The following NDUFAF2 variants were observed in gnomAD, a reference collection of about 807,000 sequenced individuals.
NDUFAF2 encodes the protein NADH dehydrogenase [ubiquinone] 1 alpha subcomplex assembly factor 2.
In NDUFAF2, 13 loss-of-function variants were observed where a neutral mutation model predicts 22.8. That is an observed-to-expected ratio of 0.57 (90% confidence interval 0.37 to 0.91). The LOEUF is 0.91. Ranked by LOEUF, NDUFAF2 falls within the 40% of genes least tolerant of loss-of-function variation. The pLI, the probability that NDUFAF2 is intolerant of heterozygous loss-of-function variation, is 0.01. For synonymous variants in NDUFAF2, 53 were observed against 64.2 expected (o/e 0.83, Z 0.84); for missense variants, 162 against 195.2 (o/e 0.83, Z 1.01).
At chr5:61,048,595 G>A (rs573375057) in intron 1 of NDUFAF2, among the ~76,000 whole-genome samples, 1 of 152,260 alleles carries the variant, frequency 6.6e-6, no homozygotes, top group African/African-American at 2.4e-5. Flanking sequence ...GTTGTCAGAA[G>A]CTATCTCCCA....
chr5:61,009,728 G>A (rs1017337957), intron 1 of NDUFAF2, among the ~76,000 whole-genome samples: 1 of 151,950 alleles, frequency 6.6e-6, no homozygotes, highest in African/African-American at 2.4e-5. Context: ...TGGCTCCAGT[G>A]CTGATTGCCC....
chr5:61,105,416 G>A (rs191160168), intron 3 of NDUFAF2, among the ~76,000 whole-genome samples: 7 of 151,240 alleles, frequency 4.6e-5, no homozygotes, highest in Admixed American at 3.9e-4. Flanking sequence ...TGCAAAGAGT[G>A]TATGTATGTA....
intron 1 of NDUFAF2, among the ~76,000 whole-genome samples, chr5:60,985,343 C>A (rs868053876): frequency 9.2e-5 from 14 of 152,022 alleles, no homozygotes; most frequent in South Asian, 6.2e-4. Flanking sequence ...TTCAGAAAAC[C>A]AACTCCTGGA....
At chr5:61,056,747 G>T (rs911683389) in intron 1 of NDUFAF2, among the ~76,000 whole-genome samples, 2 of 150,928 alleles carry the variant, frequency 1.3e-5, no homozygotes, top group African/African-American at 4.9e-5. Flanking sequence ...CATTAGCTGG[G>T]CATGGTGGCG....
At position 61,097,707 on chromosome 5, in the gene NDUFAF2, A is replaced by G. The variant is rs149631677; in HGVS notation, c.218-1285A>G. Among the ~76,000 whole-genome samples, 91 of 152,282 alleles carry G rather than the reference A, an allele frequency of 6.0e-4. No individual in the cohort carries two copies. The East Asian group carries it at 0.014, about 23-fold the overall frequency. ...TCCAAATCTCTAAAATGGGATCAAT[A>G]ATTCTTATTTTTCTAACATGTAGTT... On this transcript the variant is annotated intron_variant, in intron 2 of 3. Coordinates refer to ENST00000296597, the MANE Select transcript of NDUFAF2 (RefSeq NM_174889.5).
At chr5:61,016,203 A>G (rs1373853505) in intron 1 of NDUFAF2, among the ~76,000 whole-genome samples, 1 of 151,990 alleles carries the variant, frequency 6.6e-6, no homozygotes, top group African/African-American at 2.4e-5. Flanking sequence ...ATATATATAT[A>G]CAGAGGTAAA....
chr5:61,091,795 G>A (rs1159179091), intron 2 of NDUFAF2, among the ~76,000 whole-genome samples: 1 of 152,090 alleles, frequency 6.6e-6, no homozygotes, highest in African/African-American at 2.4e-5. Flanking sequence ...CAGTGGTATT[G>A]CCTAAGTTGT....
At chr5:61,115,548 C>G (rs1354602155) in intron 3 of NDUFAF2, 1 of 152,106 alleles carries the variant, frequency 6.6e-6, no homozygotes, top group Non-Finnish European at 1.5e-5. Flanking sequence ...CCCCTCTCCT[C>G]TTATAGTATT....
At chr5:61,060,503 T>C (rs991534953) in intron 1 of NDUFAF2, among the ~76,000 whole-genome samples, 2 of 152,174 alleles carry the variant, frequency 1.3e-5, no homozygotes, top group African/African-American at 4.8e-5. Flanking sequence ...TATCACCTGA[T>C]TGTACTGCTT....
intron 1 of NDUFAF2, among the ~76,000 whole-genome samples, chr5:61,000,841 T>C (rs1324685149): frequency 1.3e-5 from 2 of 152,134 alleles, no homozygotes; most frequent in Non-Finnish European, 2.9e-5. Flanking sequence ...TCTCCACTCA[T>C]GTTAGTATAA....
intron 3 of NDUFAF2, among the ~76,000 whole-genome samples, chr5:61,105,091 G>A (rs1752746541): frequency 1.4e-5 from 2 of 146,870 alleles, no homozygotes; most frequent in Admixed American, 1.3e-4. Flanking sequence ...CTCGGTTCTG[G>A]TTGACATATT....
intron 1 of NDUFAF2, among the ~76,000 whole-genome samples, chr5:60,965,168 A>T (rs966334921): frequency 1.3e-5 from 2 of 152,166 alleles, no homozygotes; most frequent in Non-Finnish European, 2.9e-5. Context: ...AATTGTACTG[A>T]CCTGAGCCCA....
intron 2 of NDUFAF2, among the ~76,000 whole-genome samples, chr5:61,087,330 T>C (rs1458678945): frequency 1.3e-5 from 2 of 152,150 alleles, no homozygotes; most frequent in Non-Finnish European, 2.9e-5. Flanking sequence ...AAAATAACTT[T>C]CTGTTGTTTA....
In NDUFAF2 at chr5:60,981,260, C is replaced by A. The variant is rs368094165; in HGVS notation, c.127+35878C>A. On this transcript the variant is annotated intron_variant, in intron 1 of 3. Coordinates refer to ENST00000296597, the MANE Select transcript of NDUFAF2 (RefSeq NM_174889.5). ...AGCCAACTTTTCAGTAAAAACCTTA[C>A]AGGTCAGGAGACAGTGGCATGACAT... Among the ~76,000 whole-genome samples the A allele has an allele frequency of 1.5e-3, 236 of 152,268 alleles. 1 individual carries two copies. Among genetic ancestry groups the A allele is most frequent in the African/African-American group, 5.5e-3 (229 of 41,572 alleles).
intron 3 of NDUFAF2, among the ~76,000 whole-genome samples, chr5:61,117,958 G>T (rs957756511): frequency 6.6e-6 from 1 of 152,110 alleles, no homozygotes; most frequent in Non-Finnish European, 1.5e-5. Context: ...TTCAAATTGG[G>T]ATGCCTATAC....
At chr5:61,030,251 T>C (rs895812604) in intron 1 of NDUFAF2, among the ~76,000 whole-genome samples, 3 of 152,116 alleles carry the variant, frequency 2.0e-5, no homozygotes, top group Non-Finnish European at 4.4e-5. Context: ...AGGGATAGCA[T>C]ATTGGTTAAT....
At chr5:61,004,269 T>C (rs1373490882) in intron 1 of NDUFAF2, among the ~76,000 whole-genome samples, 3 of 152,140 alleles carry the variant, frequency 2.0e-5, no homozygotes, top group Non-Finnish European at 2.9e-5. Context: ...TACTTTCTTA[T>C]AGCAAACATG....
At chr5:61,054,396 A>G (rs892030411) in intron 1 of NDUFAF2, among the ~76,000 whole-genome samples, 1 of 152,168 alleles carries the variant, frequency 6.6e-6, no homozygotes, top group African/African-American at 2.4e-5. Flanking sequence ...GGTGGGTGTC[A>G]TAAACACTGA....
intron 3 of NDUFAF2, among the ~76,000 whole-genome samples, chr5:61,110,381 G>A (rs372696961): frequency 1.1e-4 from 17 of 151,496 alleles, no homozygotes; most frequent in East Asian, 9.7e-4. Flanking sequence ...TCCATTTTTC[G>A]GACTAGTTTG....
Sources: gnomAD v4.1 joint callset for allele counts (sites outside exome capture counted in the v4.1 genomes callset) on GRCh38, gnomAD v4.1.1 for gene constraint, MANE v1.5 for transcripts, NCBI Gene and HGNC (gene_info 2026-07-23, HGNC 2026-07-21) for gene names.